PLD2: variants seen among roughly 807,000 people sequenced by gnomAD.
The protein encoded by PLD2 is choline phosphatase 2.
In PLD2, 101 loss-of-function variants were observed where a neutral mutation model predicts 119.8. That is an observed-to-expected ratio of 0.84 (90% CI 0.72 to 0.99). The LOEUF (loss-of-function observed/expected upper bound fraction) is 0.99, where lower values mean the gene tolerates loss of function less well. PLD2 is among the 50% of genes least tolerant of loss of function. PLD2 has a pLI of 0.00. For synonymous variants in PLD2, 494 were observed against 482.8 expected (o/e 1.02, Z -0.30); for missense variants, 1,164 against 1,226.8 (o/e 0.95, Z 0.76).
Position 4,807,934 on chromosome 17 carries a change from G to A in PLD2, c.110-50G>A. ...GGGAGGAGAGGCGTTCGGGAGCCAGGGGGCTGGGGCCTGTTGTGGTCTACA... is the reference window on the plus strand; with the variant it reads ...GGGAGGAGAGGCGTTCGGGAGCCAGAGGGCTGGGGCCTGTTGTGGTCTACA... On this transcript the variant is annotated intron_variant, in intron 2 of 24. Coordinates refer to ENST00000263088, the MANE Select transcript of PLD2 (RefSeq NM_002663.5). The surrounding 1 kb of genome is among the most constrained non-coding windows in gnomAD (Gnocchi z 5.4). 6.2e-7 allele frequency: 1 copy of A among 1,606,940 alleles called. No homozygotes were observed.
chr17:4,810,084 C>G lies in PLD2; in HGVS notation c.860+55C>G. ...GCTGAGTGGTGAGCCCACCCACGGC[C>G]TTGCTGGGAGTTGAGAAAGAGAGAC... On this transcript the variant is annotated intron_variant, in intron 9 of 24. Transcript: ENST00000263088. The G allele has an allele frequency of 1.9e-6, 3 of 1,572,472 alleles. No individual in the cohort carries two copies. In the East Asian group the frequency reaches 6.7e-5, roughly 35 times the overall value.
chr17:4,815,023 C>T (rs1906833463), intron 12 of PLD2, among the ~76,000 whole-genome samples: 1 of 152,100 alleles, frequency 6.6e-6, no homozygotes, highest in Non-Finnish European at 1.5e-5. Context: ...TGTTCCACTA[C>T]AAGGCACAGT....
chr17:4,811,197 A>G (rs1906428873), intron 10 of PLD2, among the ~76,000 whole-genome samples: 1 of 151,512 alleles, frequency 6.6e-6, no homozygotes, highest in South Asian at 2.1e-4. Flanking sequence ...AACCTCCTAT[A>G]ACCTTTTAAA....
In PLD2 at chr17:4,819,023, TGG is replaced by T; in HGVS notation, c.2174-59_2174-58del. On this transcript the variant is annotated intron_variant, in intron 21 of 24. Coordinates refer to ENST00000263088, the MANE Select transcript of PLD2 (RefSeq NM_002663.5). This position sits in a 1 kb window ranked among gnomAD's most constrained non-coding sequence, Gnocchi z 4.2. ...GAAGAGTTTCTGGAGTGAGAGGAGG[TGG>T]GACAGGGCCCTGTGCACACAGAGCC... 1.9e-6 allele frequency: 3 copies of T among 1,598,812 alleles called. No homozygotes were observed. In the South Asian group the frequency reaches 3.4e-5, roughly 18 times the overall value.
Position 4,808,788 on chromosome 17 carries a change from C to A in PLD2, c.384-312C>A, listed in dbSNP as rs1456232296. Among the ~76,000 whole-genome samples, 6 of 152,234 alleles carry A rather than the reference C, an allele frequency of 3.9e-5. No homozygotes were observed. Among genetic ancestry groups the A allele is most frequent in the African/African-American group, 1.4e-4 (6 of 41,534 alleles). On this transcript the variant is annotated intron_variant, in intron 4 of 24. Coordinates refer to ENST00000263088, the MANE Select transcript of PLD2 (RefSeq NM_002663.5). This position sits in a 1 kb window ranked among gnomAD's most constrained non-coding sequence, Gnocchi z 4.1. ...GTGGTATGATCTTGGCTCATGGCAA[C>A]CTCCTGGGCTCAAGCAGTCCTCCCG... is the stretch of plus-strand genomic sequence containing the variant.
rs745890129 is a variant in PLD2 at position 4,818,488 on chromosome 17, C to G, written c.2010-6C>G. 1 of 1,609,086 alleles carries G rather than the reference C, an allele frequency of 6.2e-7. No individual in the cohort carries two copies. Among genetic ancestry groups the G allele is most frequent in the Non-Finnish European group, 8.5e-7 (1 of 1,175,482 alleles). On this transcript the variant is annotated splice_region_variant and splice_polypyrimidine_tract_variant and intron_variant, in intron 19 of 24. Coordinates refer to ENST00000263088, the MANE Select transcript of PLD2 (RefSeq NM_002663.5). ...AGTCGCACCTCTGACTCCACCCCCTCCCCAGACAGGGGTGGTGTTACCGAG... is the reference window on the plus strand; with the variant it reads ...AGTCGCACCTCTGACTCCACCCCCTGCCCAGACAGGGGTGGTGTTACCGAG...
In PLD2 at chr17:4,822,809, T is replaced by G. The variant is rs1907820014; in HGVS notation, c.2747T>G (p.Leu916Trp). The change falls in exon 25 of 25, where the codon TTG (leucine) becomes TGG (tryptophan). Residue 916 changes from leucine to tryptophan, a missense_variant. By Grantham distance (61) the Leu-to-Trp change is moderately conservative (BLOSUM62 -2). Transcript: ENST00000263088. ...CTCAAGTTCCTAGAGGATGAGTCTT[T>G]GCTGCCCCCGCTGGGTAGCAAGGAG... ...FPLKFLEDES[L>W]LPPLGSKEGM... 7 of 1,613,710 alleles carry G rather than the reference T, an allele frequency of 4.3e-6. No individual in the cohort carries two copies. The East Asian group carries it at 1.3e-4, about 31-fold the overall frequency.
At chr17:4,818,987 A>G in intron 21 of PLD2, 97 bp from the exon 22 acceptor site, 3 of 1,550,376 alleles carry the variant, frequency 1.9e-6, no homozygotes, top group Middle Eastern at 1.8e-4. Flanking sequence ...GAGAGACCAG[A>G]CTCTATGTAG....
chr17:4,808,550 C>A lies in PLD2; in HGVS notation c.383+134C>A. The A allele has an allele frequency of 2.4e-6, 2 of 828,004 alleles. No homozygotes were observed. Among genetic ancestry groups the A allele is most frequent in the East Asian group, 2.5e-5 (1 of 40,672 alleles). The allele number at this position is 828,004 out of a possible 1,614,324, so 51.3% of individuals were successfully genotyped here. On this transcript the variant is annotated intron_variant, in intron 4 of 24. Coordinates refer to ENST00000263088, the MANE Select transcript of PLD2 (RefSeq NM_002663.5). The surrounding 1 kb of genome is among the most constrained non-coding windows in gnomAD (Gnocchi z 4.1). ...TGCTGCCTCCCCTGACCCCAGTTAC[C>A]AGGAAACTTTCCCTGCTCAGCTTTC...
chr17:4,807,750 T>G lies in PLD2; in HGVS notation c.-1-22T>G. The G allele has an allele frequency of 7.0e-7, 1 of 1,429,668 alleles. No homozygotes were observed. 88.6% of individuals were successfully genotyped at this position (1,429,668 alleles called of 1,614,324 possible). A position where few individuals can be genotyped will look rare whatever the true frequency, so the allele number is the denominator to read the frequency against. The stretch of plus-strand genomic sequence containing the variant: ...GGTTCTGCAGGACAGCTCGCCTCCC[T>G]GAGGCTTCCCAATGTTCCTAGGATG... On this transcript the variant is annotated intron_variant, in intron 1 of 24. Transcript: ENST00000263088. The surrounding 1 kb of genome is among the most constrained non-coding windows in gnomAD (Gnocchi z 5.4).
chr17:4,818,710 A>G (rs1435720540), intron 20 of PLD2, 64 bp from the exon 21 acceptor site: 9 of 1,591,336 alleles, frequency 5.7e-6, no homozygotes, highest in Non-Finnish European at 7.8e-6. Context: ...AAGAAGGGCC[A>G]CCTCTCCTGA....
chr17:4,818,491 C>A lies in PLD2; in HGVS notation c.2010-3C>A, dbSNP rs760730096. 6.2e-7 allele frequency: 1 copy of A among 1,610,082 alleles called. No homozygotes were observed. The highest frequency in any genetic ancestry group is 2.2e-5 in the East Asian group (1 of 44,862). ...CGCACCTCTGACTCCACCCCCTCCCCAGACAGGGGTGGTGTTACCGAGTCT... is the reference window on the plus strand; with the variant it reads ...CGCACCTCTGACTCCACCCCCTCCCAAGACAGGGGTGGTGTTACCGAGTCT... On this transcript the variant is annotated splice_region_variant and splice_polypyrimidine_tract_variant and intron_variant, in intron 19 of 24. Transcript: ENST00000263088.
Position 4,820,172 on chromosome 17 carries a change from G to A in PLD2, c.2462+590G>A, listed in dbSNP as rs550392446. On this transcript the variant is annotated intron_variant, in intron 23 of 24. Coordinates refer to ENST00000263088, the MANE Select transcript of PLD2 (RefSeq NM_002663.5). ...TTGGTCAGGCTGGTCTCGAACTCCC[G>A]ACCTCAGGTGATCCACCCACTTCAG... Among the ~76,000 whole-genome samples the A allele has an allele frequency of 2.0e-4, 30 of 151,548 alleles. No individual in the cohort carries two copies. The South Asian group carries it at 3.7e-3, about 19-fold the overall frequency.
chr17:4,822,980 T>C lies in PLD2; in HGVS notation c.*116T>C. 1.6e-6 allele frequency: 1 copy of C among 634,798 alleles called. No individual in the cohort carries two copies. Among genetic ancestry groups the C allele is most frequent in the Non-Finnish European group, 2.8e-6 (1 of 358,842 alleles). The allele number at this position is 634,798 out of a possible 1,614,324, so 39.3% of individuals were successfully genotyped here. A position where few individuals can be genotyped will look rare whatever the true frequency, so the allele number is the denominator to read the frequency against. On this transcript the variant is annotated 3_prime_UTR_variant, in exon 25 of 25. Transcript: ENST00000263088. ...CCTTTGAGATCTGGGGAGGCAGGCA[T>C]TCCTGAAGGGAACTAGAGGTGTTAC...
rs887057589 is a variant in PLD2, at chr17:4,818,335, T to G, written c.1959T>G (p.Val653=). 5 of 1,614,054 alleles carry G rather than the reference T, an allele frequency of 3.1e-6. No individual in the cohort carries two copies. The highest frequency in any genetic ancestry group is 4.2e-6 in the Non-Finnish European group (5 of 1,180,026). Residue 653 remains valine, a synonymous_variant, in exon 19 of 25, where the codon GTT becomes GTG. Coordinates refer to ENST00000263088, the MANE Select transcript of PLD2 (RefSeq NM_002663.5). ...FFISCSDGRT[V]LNKVGDEIVD... ...TTAGCTGCTCAGATGGGCGGACGGT[T>G]CTGAACAAGGTGGGCGATGAGATTG...
At position 4,818,300 on chromosome 17, in the gene PLD2, C is replaced by A. The variant is rs1377923401; in HGVS notation, c.1924C>A (p.Gln642Lys). 6.2e-7 allele frequency: 1 copy of A among 1,612,998 alleles called. No individual in the cohort carries two copies. Among genetic ancestry groups the A allele is most frequent in the South Asian group, 1.1e-5 (1 of 90,998 alleles). Residue 642 changes from glutamine (Q) to lysine (K), a missense_variant, in exon 19 of 25, where the codon CAG (glutamine) becomes AAG (lysine). Transcript: ENST00000263088. Reference sequence around the variant, plus strand: ...CTGTCTCTGATTCTTGCCCCAGAATCAGTTCTTCATTAGCTGCTCAGATGG... The same window carrying A: ...CTGTCTCTGATTCTTGCCCCAGAATAAGTTCTTCATTAGCTGCTCAGATGG... ...ESQHFLYIEN[Q>K]FFISCSDGRT...
At chr17:4,811,297 C>CTTTTTTTTTTTT (rs35190261) in intron 10 of PLD2, among the ~76,000 whole-genome samples, 8 of 77,824 alleles carry the variant, frequency 1.0e-4, no homozygotes, top group African/African-American at 2.4e-4. Context: ...ATTTTCTTTT[C>CTTTTTTTTTTTT]TTTTTTTTTT....
rs199553650 is a variant in PLD2 at position 4,818,511 on chromosome 17, G to T, written c.2027G>T (p.Arg676Leu). ...CTCCCCAGACAGGGGTGGTGTTACC[G>T]AGTCTACGTGCTTTTGCCCTTACTC... ...LKAHKQGWCY[R>L]VYVLLPLLPG... Residue 676 changes from arginine to leucine, a missense_variant, in exon 20 of 25, where the codon CGA becomes CTA. Physicochemically the swap from Arg to Leu is moderately radical, Grantham distance 102. Coordinates refer to ENST00000263088, the MANE Select transcript of PLD2 (RefSeq NM_002663.5). 3.5e-4 allele frequency: 558 copies of T among 1,613,722 alleles called. No homozygotes were observed. Among genetic ancestry groups the T allele is most frequent in the Non-Finnish European group, 4.3e-4 (511 of 1,179,712 alleles).
intron 14 of PLD2, 108 bp downstream of exon 14, chr17:4,816,042 C>A: frequency 1.2e-6 from 1 of 809,902 alleles, no homozygotes; most frequent in Non-Finnish European, 2.0e-6. Flanking sequence ...CCCTGCCAAC[C>A]TCAGGGTTCC....
Sources: allele counts gnomAD v4.1 joint callset (sites outside exome capture counted in the v4.1 genomes callset), GRCh38; gene constraint gnomAD v4.1.1; non-coding constraint Gnocchi (gnomAD v3.1); transcripts MANE v1.5; gene names NCBI Gene and HGNC (gene_info 2026-07-23, HGNC 2026-07-21).